The following LRBA variants were observed in gnomAD, a reference collection of about 807,000 sequenced individuals.
The protein encoded by LRBA is lipopolysaccharide-responsive and beige-like anchor protein.
In LRBA, 176 loss-of-function variants were observed where a neutral mutation model predicts 330.0. That is an observed-to-expected ratio of 0.53 (90% CI 0.47 to 0.60). The LOEUF is 0.60. LRBA is among the 20% of genes least tolerant of loss of function. The pLI is 0.00. For missense variants in LRBA, 3,259 were observed against 3,444.8 expected (o/e 0.95, Z 1.35); for synonymous variants, 1,230 against 1,193.0 (o/e 1.03, Z -0.64).
intron 47 of LRBA, among the ~76,000 whole-genome samples, chr4:150,357,651 C>CTT (rs142531975): frequency 7.2e-6 from 1 of 138,296 alleles, no homozygotes; most frequent in Admixed American, 7.2e-5. Context: ...GGATATTGAG[C>CTT]TTTTTTTTTT....
At chr4:150,641,288 C>T (rs1234565314) in intron 37 of LRBA, among the ~76,000 whole-genome samples, 1 of 152,054 alleles carries the variant, frequency 6.6e-6, no homozygotes, top group African/African-American at 2.4e-5. Context: ...CAATTTTTAT[C>T]ATTGGTTTTT....
rs561113507 is a variant in LRBA at position 150,714,736 on chromosome 4, G to T, written c.5754+20522C>A. ...TGTATACACACTTCAGAACATGTTG[G>T]TATAATATTTAATTTTTGCTCATTA... On this transcript the variant is annotated intron_variant, in intron 36 of 56. Transcript: ENST00000651943. 2.6e-5 allele frequency among the ~76,000 whole-genome samples: 4 copies of T among 152,142 alleles called. No individual in the cohort carries two copies. The South Asian group carries it at 8.3e-4, about 32-fold the overall frequency.
At position 150,916,367 on chromosome 4, in the gene LRBA, G is replaced by T. The variant is rs201088229; in HGVS notation, c.894+34C>A. The T allele has an allele frequency of 3.2e-3, 5,088 of 1,600,302 alleles. 15 individuals carry two copies. The highest frequency in any genetic ancestry group is 5.3e-3 in the Middle Eastern group (31 of 5,808). On this transcript the variant is annotated intron_variant, in intron 7 of 56. Transcript: ENST00000651943. The stretch of plus-strand genomic sequence containing the variant: ...AGCATTTTGATGACTAGCATAGCTT[G>T]TTAACATAACTATGACTCAAGAAGA...
At chr4:150,476,466 G>A (rs1344611070) in intron 42 of LRBA, among the ~76,000 whole-genome samples, 1 of 152,026 alleles carries the variant, frequency 6.6e-6, no homozygotes, top group African/African-American at 2.4e-5. Context: ...GTTCTGGGAG[G>A]TATACAGAGG....
At chr4:150,710,004 G>A (rs921005812) in intron 36 of LRBA, among the ~76,000 whole-genome samples, 14 of 152,054 alleles carry the variant, frequency 9.2e-5, no homozygotes, top group African/African-American at 3.1e-4. Flanking sequence ...GGAAGGAACT[G>A]GATGTTTCTA....
chr4:150,697,323 C>CAGAA (rs1261413757), intron 36 of LRBA, among the ~76,000 whole-genome samples: 48 of 1,492 alleles, frequency 0.032, 1 homozygote, highest in African/African-American at 0.045. Flanking sequence ...GACTTTGTCT[C>CAGAA]AGAAAAAAAA....
At chr4:150,791,810 C>T (rs1308810104) in intron 34 of LRBA, among the ~76,000 whole-genome samples, 2 of 151,950 alleles carry the variant, frequency 1.3e-5, no homozygotes, top group East Asian at 3.9e-4. Context: ...AGGTGGATCA[C>T]GAGCTCAGGA....
intron 40 of LRBA, among the ~76,000 whole-genome samples, chr4:150,499,680 C>G (rs1322771236): frequency 6.6e-6 from 1 of 151,094 alleles, no homozygotes; most frequent in Non-Finnish European, 1.5e-5. Context: ...TATTGATTCT[C>G]TATAGTCATA....
At chr4:150,796,830 G>A (rs1740857219) in intron 34 of LRBA, among the ~76,000 whole-genome samples, 2 of 151,876 alleles carry the variant, frequency 1.3e-5, no homozygotes, top group South Asian at 4.1e-4. Flanking sequence ...CTTTTAAAGT[G>A]AGGGCAATTT....
intron 56 of LRBA, among the ~76,000 whole-genome samples, chr4:150,269,626 A>G (rs1416605930): frequency 6.6e-6 from 1 of 152,244 alleles, no homozygotes; most frequent in Non-Finnish European, 1.5e-5. Context: ...AAACAAACTC[A>G]TAACAAAAAA....
At chr4:150,632,234 GA>G (rs33955499) in intron 37 of LRBA, among the ~76,000 whole-genome samples, 124,992 of 136,990 alleles carry the variant, frequency 0.91, 57,028 homozygotes, top group Admixed American at 0.94. Context: ...CTGTCTCAAG[GA>G]AAAAAAAAAA....
At chr4:150,653,230 T>C (rs925362271) in intron 37 of LRBA, among the ~76,000 whole-genome samples, 1 of 152,160 alleles carries the variant, frequency 6.6e-6, no homozygotes, top group African/African-American at 2.4e-5. Flanking sequence ...ACAGTACATA[T>C]AGAAAAATGA....
chr4:150,705,268 T>C lies in LRBA; in HGVS notation c.5755-21551A>G, dbSNP rs539389220. On this transcript the variant is annotated intron_variant, in intron 36 of 56. Coordinates refer to ENST00000651943, the MANE Select transcript of LRBA (RefSeq NM_001364905.1). ...ATGAAAATCTGGGAAGGAAAAACAA[T>C]GAATTTAAGTTTTAGACAAAGTGAA... Among the ~76,000 whole-genome samples, 225 of 152,122 alleles carry C rather than the reference T, an allele frequency of 1.5e-3. 1 individual carries two copies. The highest frequency in any genetic ancestry group is 2.6e-3 in the Admixed American group (39 of 15,260).
At chr4:150,339,875 C>T (rs577783340) in intron 48 of LRBA, among the ~76,000 whole-genome samples, 4 of 139,788 alleles carry the variant, frequency 2.9e-5, no homozygotes, top group African/African-American at 2.7e-5. Flanking sequence ...TATGATAATA[C>T]GGTTTGGCTG....
intron 35 of LRBA, among the ~76,000 whole-genome samples, chr4:150,740,958 C>T (rs1319083971): frequency 6.6e-6 from 1 of 152,024 alleles, no homozygotes; most frequent in African/African-American, 2.4e-5. Flanking sequence ...TCAACTGATG[C>T]TCATATGGAC....
At chr4:150,558,998 T>C (rs544722399) in intron 40 of LRBA, among the ~76,000 whole-genome samples, 6 of 152,212 alleles carry the variant, frequency 3.9e-5, no homozygotes, top group South Asian at 2.1e-4. Flanking sequence ...AATATCACCA[T>C]TGAAGGGCAG....
chr4:150,580,058 G>C (rs1456605646), intron 40 of LRBA: 4 of 235,244 alleles, frequency 1.7e-5, no homozygotes, highest in East Asian at 1.4e-4. Flanking sequence ...CCGGGTTAGA[G>C]CCGGGCTCCC....
At chr4:150,439,662 C>T (rs1047594752) in intron 44 of LRBA, among the ~76,000 whole-genome samples, 1 of 152,122 alleles carries the variant, frequency 6.6e-6, no homozygotes, top group African/African-American at 2.4e-5. Context: ...TTCTGCTTTG[C>T]TGCAGTTGGA....
At chr4:150,820,839 ATATAAG>A (rs1745329648) in intron 30 of LRBA, among the ~76,000 whole-genome samples, 1 of 152,116 alleles carries the variant, frequency 6.6e-6, no homozygotes, top group African/African-American at 2.4e-5. Flanking sequence ...ATGTTGTTAA[ATATAAG>A]TATAAATCTA....
Sources: allele counts gnomAD v4.1 joint callset (sites outside exome capture counted in the v4.1 genomes callset), GRCh38; gene constraint gnomAD v4.1.1; transcripts MANE v1.5; gene names NCBI Gene and HGNC (gene_info 2026-07-23, HGNC 2026-07-21).